The following CAST variants were observed in gnomAD, a reference collection of about 807,000 sequenced individuals.
The protein encoded by CAST is MIR583 host.
A neutral mutation model predicts 119.6 loss-of-function variants in CAST; 76 were observed. That is an observed-to-expected ratio of 0.64 (90% CI 0.53 to 0.77). The LOEUF (loss-of-function observed/expected upper bound fraction) is 0.77, where lower values mean the gene tolerates loss of function less well. Among genes scored for constraint, CAST ranks in the 30% least tolerant of loss-of-function variants. The probability of loss-of-function intolerance (pLI) is 0.00; values close to 1 mark genes in which losing one functional copy is unlikely to be tolerated. For missense variants in CAST, 953 were observed against 946.5 expected (o/e 1.01, Z -0.09); for synonymous variants, 319 against 331.6 (o/e 0.96, Z 0.41).
chr5:96,401,650 C>A, the CAST span, among the ~76,000 whole-genome samples: 4 of 152,276 alleles, frequency 2.6e-5, no homozygotes, highest in Non-Finnish European at 5.9e-5. Flanking sequence ...CACATGGTCC[C>A]GAGCTCTTTT....
At chr5:96,760,590 A>G (rs555423202) in intron 24 of CAST, among the ~76,000 whole-genome samples, 75 of 152,022 alleles carry the variant, frequency 4.9e-4, no homozygotes, top group Admixed American at 7.9e-4. Flanking sequence ...ACATTTGAAT[A>G]TATTTGTGGA....
chr5:95,995,299 T>A, the CAST span, among the ~76,000 whole-genome samples: 1 of 152,130 alleles, frequency 6.6e-6, no homozygotes, highest in Non-Finnish European at 1.5e-5. Flanking sequence ...AGTTCCTGAT[T>A]TTTATATCCT....
At chr5:96,278,685 C>T in the CAST span, 1 of 152,152 alleles carries the variant, frequency 6.6e-6, no homozygotes, top group East Asian at 1.9e-4. Flanking sequence ...AAAACAAAAG[C>T]AAAATGGCTT....
chr5:96,030,322 T>A, the CAST span, among the ~76,000 whole-genome samples: 2 of 152,166 alleles, frequency 1.3e-5, no homozygotes, highest in Non-Finnish European at 2.9e-5. Flanking sequence ...TTAACCTGAT[T>A]TATAACTTTT....
At chr5:96,473,349 A>G in the CAST span, among the ~76,000 whole-genome samples, 3 of 152,248 alleles carry the variant, frequency 2.0e-5, no homozygotes, top group Admixed American at 6.5e-5. Context: ...GCTCCTAATC[A>G]GATTGCCTGA....
intron 1 of CAST, among the ~76,000 whole-genome samples, chr5:96,656,426 A>G (rs917100875): frequency 6.6e-6 from 1 of 152,184 alleles, no homozygotes; most frequent in Non-Finnish European, 1.5e-5. Flanking sequence ...CAGCTCATTA[A>G]GTGGAAGGTC....
intron 20 of CAST, among the ~76,000 whole-genome samples, chr5:96,751,945 A>G (rs1765157101): frequency 6.6e-6 from 1 of 152,154 alleles, no homozygotes; most frequent in African/African-American, 2.4e-5. Flanking sequence ...AACTCTGGCC[A>G]TGGTTGCCCA....
the CAST span, among the ~76,000 whole-genome samples, chr5:95,998,845 T>G: frequency 6.6e-6 from 1 of 152,192 alleles, no homozygotes; most frequent in African/African-American, 2.4e-5. Context: ...CCATAGAGGT[T>G]ATACTAATTT....
the CAST span, among the ~76,000 whole-genome samples, chr5:96,320,836 T>A: frequency 2.0e-5 from 3 of 152,154 alleles, no homozygotes; most frequent in African/African-American, 7.2e-5. Context: ...GGGGATGCAG[T>A]TGGGTGTCTG....
At chr5:96,158,089 C>CA in the CAST span, among the ~76,000 whole-genome samples, 2 of 145,912 alleles carry the variant, frequency 1.4e-5, no homozygotes, top group South Asian at 2.2e-4. Context: ...CAAACACACA[C>CA]AAAAAAACCC....
intron 1 of CAST, among the ~76,000 whole-genome samples, chr5:96,534,478 G>T (rs1335490372): frequency 2.0e-5 from 3 of 151,536 alleles, no homozygotes; most frequent in Non-Finnish European, 4.4e-5. Context: ...AAACCAGTCT[G>T]ACCAACATGG....
At chr5:96,005,843 G>A in the CAST span, among the ~76,000 whole-genome samples, 4 of 151,938 alleles carry the variant, frequency 2.6e-5, no homozygotes, top group East Asian at 1.9e-4. Flanking sequence ...AGAGTACAAC[G>A]TAATGCATAC....
At chr5:96,217,783 T>G in the CAST span, among the ~76,000 whole-genome samples, 1 of 152,140 alleles carries the variant, frequency 6.6e-6, no homozygotes. Flanking sequence ...AACTTAACTT[T>G]GGTGTTGGTA....
At chr5:96,047,956 A>G in the CAST span, among the ~76,000 whole-genome samples, 1 of 152,208 alleles carries the variant, frequency 6.6e-6, no homozygotes, top group African/African-American at 2.4e-5. Flanking sequence ...AGGGAACAAC[A>G]TGTGCAAAGC....
the CAST span, among the ~76,000 whole-genome samples, chr5:96,202,212 A>G: frequency 6.6e-6 from 1 of 152,132 alleles, no homozygotes; most frequent in African/African-American, 2.4e-5. Context: ...TAAAGTCACA[A>G]AATCTTCACT....
rs1581290392 is a variant in CAST, at chr5:96,754,101, T to C, written c.1566T>C (p.Asp522=). 1 of 1,613,960 alleles carries C rather than the reference T, an allele frequency of 6.2e-7. No homozygotes were observed. Among genetic ancestry groups the C allele is most frequent in the Non-Finnish European group, 8.5e-7 (1 of 1,179,844 alleles). ...ATGATGCTGTAGAAGCCTTGGCTGA[T>C]AGCCTGGGGAAAAAGGAAGCAGATC... is the stretch of plus-strand genomic sequence containing the variant. The part of the protein sequence containing the change: ...VPDDAVEALA[D]SLGKKEADPE... Residue 522 remains aspartate, a synonymous_variant, in exon 21 of 32, where the codon GAT becomes GAC. Coordinates refer to ENST00000675179, the MANE Select transcript of CAST (RefSeq NM_001750.7).
chr5:96,654,420 T>C (rs1158745936), intron 1 of CAST, among the ~76,000 whole-genome samples: 3 of 152,132 alleles, frequency 2.0e-5, no homozygotes, highest in Admixed American at 1.3e-4. Context: ...AAAACCAAAC[T>C]GTGGAGTACA....
At chr5:96,257,409 A>C in the CAST span, among the ~76,000 whole-genome samples, 1 of 152,178 alleles carries the variant, frequency 6.6e-6, no homozygotes, top group Non-Finnish European at 1.5e-5. Flanking sequence ...GAAAAAAAAG[A>C]AATGTTTTCA....
the CAST span, among the ~76,000 whole-genome samples, chr5:96,300,082 C>G: frequency 6.6e-6 from 1 of 152,080 alleles, no homozygotes. Flanking sequence ...GTTGTTTCCT[C>G]TGTTGTGCAG....
Sources: allele counts gnomAD v4.1 joint callset (sites outside exome capture counted in the v4.1 genomes callset), GRCh38; gene constraint gnomAD v4.1.1; transcripts MANE v1.5; gene names NCBI Gene and HGNC (gene_info 2026-07-23, HGNC 2026-07-21).